Variants in SRGAP2B observed in about 807,000 individuals in gnomAD.
SRGAP2B encodes the protein SLIT-ROBO Rho GTPase-activating protein 2B.
SRGAP2B carries 9 observed loss-of-function variants against 22.2 expected under a neutral mutation model. That is an observed-to-expected ratio of 0.41 (90% CI 0.24 to 0.71). The LOEUF is 0.71. Among genes scored for constraint, SRGAP2B ranks in the 30% least tolerant of loss-of-function variants. The probability of loss-of-function intolerance (pLI) is 0.35; values close to 1 mark genes in which losing one functional copy is unlikely to be tolerated. For missense variants in SRGAP2B, 114 were observed against 235.8 expected, an observed-to-expected ratio of 0.48 and a Z score of 3.38; for synonymous variants, 36 against 87.4, an observed-to-expected ratio of 0.41 and a Z score of 3.28.
intron 2 of SRGAP2B, among the ~76,000 whole-genome samples, chr1:145,010,619 A>C (rs1671982033): frequency 6.7e-6 from 1 of 149,534 alleles, no homozygotes; most frequent in South Asian, 2.1e-4. Context: ...AAATTCAAGT[A>C]AAAAGAAATG....
At position 144,928,335 on chromosome 1, in the gene SRGAP2B, T is replaced by G. The variant is rs587613826; in HGVS notation, c.424-13581A>C. 1.1e-3 allele frequency among the ~76,000 whole-genome samples: 154 copies of G among 145,936 alleles called. 2 individuals are homozygous for G. The East Asian group carries it at 0.014, about 13-fold the overall frequency. On this transcript the variant is annotated intron_variant, in intron 4 of 9. Coordinates refer to ENST00000612199, the Ensembl canonical transcript of SRGAP2B. ...ACACATTTTGTTTAAATTGTATAGG[T>G]ATGCCATACTTTGTTTAAGTTTGTT... is the stretch of plus-strand genomic sequence containing the variant.
intron 4 of SRGAP2B, among the ~76,000 whole-genome samples, chr1:144,950,818 T>C (rs1431393769): frequency 6.6e-6 from 1 of 150,854 alleles, no homozygotes; most frequent in African/African-American, 2.5e-5. Flanking sequence ...AGTTAAACGT[T>C]AGCTTCATTT....
chr1:145,012,404 T>A (rs1040700), intron 2 of SRGAP2B, among the ~76,000 whole-genome samples: 1 of 150,012 alleles, frequency 6.7e-6, no homozygotes, highest in Non-Finnish European at 1.5e-5. Flanking sequence ...TTTACTTTTT[T>A]AAAAAAATAA....
intron 4 of SRGAP2B, among the ~76,000 whole-genome samples, chr1:144,952,916 G>C (rs1299418424): frequency 6.7e-6 from 1 of 149,170 alleles, no homozygotes; most frequent in Non-Finnish European, 1.5e-5. Context: ...TGGGATTACA[G>C]GAATGATCCA....
intron 3 of SRGAP2B, among the ~76,000 whole-genome samples, chr1:144,990,543 G>A (rs1970902): frequency 7.6e-6 from 1 of 131,746 alleles, no homozygotes; most frequent in African/African-American, 3.1e-5. Flanking sequence ...CTCCCACTTT[G>A]GTGGCATTTG....
At chr1:145,058,380 C>T (rs1468048) in intron 2 of SRGAP2B, among the ~76,000 whole-genome samples, 4 of 144,860 alleles carry the variant, frequency 2.8e-5, no homozygotes, top group Non-Finnish European at 4.5e-5. Context: ...ATGGCCTAGG[C>T]GTGAACAAAT....
intron 3 of SRGAP2B, among the ~76,000 whole-genome samples, chr1:144,957,991 A>G (rs1436684791): frequency 6.7e-6 from 1 of 149,872 alleles, no homozygotes; most frequent in Non-Finnish European, 1.5e-5. Context: ...CACACAAATA[A>G]TGCCACAATT....
chr1:145,030,205 A>C (rs1648109755), intron 2 of SRGAP2B, among the ~76,000 whole-genome samples: 1 of 146,096 alleles, frequency 6.8e-6, no homozygotes, highest in Admixed American at 6.8e-5. Flanking sequence ...GTCTGATTCT[A>C]TTCTCCCCTT....
chr1:144,964,587 G>T (rs1667919636), intron 3 of SRGAP2B, among the ~76,000 whole-genome samples: 1 of 150,892 alleles, frequency 6.6e-6, no homozygotes, highest in South Asian at 2.1e-4. Flanking sequence ...GCGAGTTCAG[G>T]TCCTTAAGGA....
intron 2 of SRGAP2B, among the ~76,000 whole-genome samples, chr1:145,016,588 T>G (rs1325411393): frequency 9.2e-5 from 7 of 76,498 alleles, no homozygotes; most frequent in Admixed American, 4.4e-4. Context: ...AAGAACCAAA[T>G]GAAAGACATT....
chr1:144,943,398 G>A (rs1437939694), intron 4 of SRGAP2B, among the ~76,000 whole-genome samples: 1 of 151,756 alleles, frequency 6.6e-6, no homozygotes, highest in African/African-American at 2.4e-5. Flanking sequence ...TAAAACAGTA[G>A]ATTACAAAAT....
intron 2 of SRGAP2B, among the ~76,000 whole-genome samples, chr1:144,996,123 C>T (rs1670658290): frequency 6.6e-6 from 1 of 151,364 alleles, no homozygotes; most frequent in Admixed American, 6.6e-5. Flanking sequence ...TAGATGCAAA[C>T]AGATCTGCCT....
At chr1:145,015,637 G>A (rs1405706750) in intron 2 of SRGAP2B, among the ~76,000 whole-genome samples, 1 of 150,034 alleles carries the variant, frequency 6.7e-6, no homozygotes, top group African/African-American at 2.5e-5. Flanking sequence ...TAAAGGATTG[G>A]AATTACCTAT....
intron 4 of SRGAP2B, among the ~76,000 whole-genome samples, chr1:144,950,880 G>C (rs1393115253): frequency 1.3e-5 from 2 of 150,242 alleles, no homozygotes; most frequent in Non-Finnish European, 2.9e-5. Context: ...ACGAAGTCTT[G>C]CTCTGTTGCC....
chr1:144,963,803 C>T (rs1363749684), intron 3 of SRGAP2B, among the ~76,000 whole-genome samples: 5 of 152,050 alleles, frequency 3.3e-5, no homozygotes, highest in Non-Finnish European at 5.9e-5. Flanking sequence ...GAGCAAGCAT[C>T]TCTCTGGCAC....
Position 144,922,422 on chromosome 1 carries a change from CT to C in SRGAP2B, c.424-7669del, listed in dbSNP as rs1280784160. 1.0e-4 allele frequency among the ~76,000 whole-genome samples: 13 copies of C among 127,354 alleles called. No homozygotes were observed. The East Asian group carries it at 2.0e-3, about 20-fold the overall frequency. 83.5% of individuals were successfully genotyped at this position (127,354 alleles called of 152,430 possible). A position where few individuals can be genotyped will look rare whatever the true frequency, so the allele number is the denominator to read the frequency against. ...GTGGGCCCGAAGGGAAGAACGTTCT[CT>C]GTTTTTCCTTATGCCTGCTGTTGCA... is the stretch of plus-strand genomic sequence containing the variant. On this transcript the variant is annotated intron_variant, in intron 4 of 9. Transcript: ENST00000612199.
chr1:144,994,518 A>G (rs1670505063), intron 3 of SRGAP2B, among the ~76,000 whole-genome samples: 1 of 141,856 alleles, frequency 7.0e-6, no homozygotes, highest in African/African-American at 2.8e-5. Flanking sequence ...GCCCAATTCC[A>G]GCTCTACTAT....
chr1:145,036,280 A>G (rs1553626640), intron 2 of SRGAP2B, among the ~76,000 whole-genome samples: 1 of 140,730 alleles, frequency 7.1e-6, no homozygotes, highest in Non-Finnish European at 1.5e-5. Context: ...TGAATTCCCA[A>G]GTTGCCATGG....
At chr1:144,975,153 G>A (rs2987946) in intron 3 of SRGAP2B, among the ~76,000 whole-genome samples, 1 of 149,692 alleles carries the variant, frequency 6.7e-6, no homozygotes, top group Non-Finnish European at 1.5e-5. Context: ...CTGAATCTGC[G>A]CCATCTTTTT....
Sources: allele counts gnomAD v4.1 joint callset (sites outside exome capture counted in the v4.1 genomes callset), GRCh38; gene constraint gnomAD v4.1.1; transcripts MANE v1.5; gene names NCBI Gene and HGNC (gene_info 2026-07-23, HGNC 2026-07-21).